The following GFRAL variants were observed in gnomAD, a reference collection of about 807,000 sequenced individuals.
GFRAL encodes the protein GDNF family receptor alpha like.
A neutral mutation model predicts 45.4 loss-of-function variants in GFRAL; 36 were observed. That is an observed-to-expected ratio of 0.79 (90% CI 0.61 to 1.05). The LOEUF is 1.05. Ranked by LOEUF, GFRAL falls within the 50% of genes least tolerant of loss-of-function variation. The pLI, the probability that GFRAL is intolerant of heterozygous loss-of-function variation, is 0.00. For synonymous variants in GFRAL, 166 were observed against 154.1 expected (o/e 1.08, Z -0.57); for missense variants, 507 against 467.5 (o/e 1.08, Z -0.78).
At chr6:55,389,666 C>G (rs1349309055) in intron 6 of GFRAL, among the ~76,000 whole-genome samples, 1 of 152,116 alleles carries the variant, frequency 6.6e-6, no homozygotes, top group Non-Finnish European at 1.5e-5. Context: ...GGTCTTCAAT[C>G]CATGATTGGA....
chr6:55,327,514 T>A lies in GFRAL; in HGVS notation c.-41T>A. ...TAAGAAAGTTGTCAGAAGAAACGCA[T>A]CTGCCTTTTTTTCCAGGTGAACTGC... is the stretch of plus-strand genomic sequence containing the variant. On this transcript the variant is annotated 5_prime_UTR_variant, in exon 1 of 9. Coordinates refer to ENST00000340465, the MANE Select transcript of GFRAL (RefSeq NM_207410.2). 2 of 1,611,126 alleles carry A rather than the reference T, an allele frequency of 1.2e-6. No homozygotes were observed. The highest frequency in any genetic ancestry group is 1.7e-6 in the Non-Finnish European group (2 of 1,178,002).
At chr6:55,349,810 C>T (rs142097141) in intron 3 of GFRAL, among the ~76,000 whole-genome samples, 50 of 150,618 alleles carry the variant, frequency 3.3e-4, no homozygotes, top group African/African-American at 1.1e-3. Context: ...TTGTTTACTC[C>T]GTGCACACAG....
chr6:55,360,405 T>A (rs1452817632), intron 6 of GFRAL, among the ~76,000 whole-genome samples: 1 of 152,048 alleles, frequency 6.6e-6, no homozygotes, highest in Admixed American at 6.6e-5. Context: ...CATCTATATC[T>A]ATATCTATAT....
chr6:55,383,186 G>A (rs2127363654), intron 6 of GFRAL, among the ~76,000 whole-genome samples: 1 of 152,090 alleles, frequency 6.6e-6, no homozygotes, highest in South Asian at 2.1e-4. Flanking sequence ...CCTGAGATAT[G>A]CATTTCTACA....
At chr6:55,393,674 G>A (rs1226535461) in intron 6 of GFRAL, among the ~76,000 whole-genome samples, 2 of 152,052 alleles carry the variant, frequency 1.3e-5, no homozygotes, top group Non-Finnish European at 1.5e-5. Context: ...AGGCAAGGGG[G>A]GAGGAAAGAA....
rs529081590 is a variant in GFRAL, at chr6:55,368,212, C to T, written c.952+9074C>T. Among the ~76,000 whole-genome samples the T allele has an allele frequency of 7.7e-4, 115 of 148,924 alleles. 2 individuals are homozygous for T. The highest frequency in any genetic ancestry group is 2.7e-3 in the African/African-American group (109 of 40,216). On this transcript the variant is annotated intron_variant, in intron 6 of 8. Coordinates refer to ENST00000340465, the MANE Select transcript of GFRAL (RefSeq NM_207410.2). Reference sequence around the variant, plus strand: ...TCATTTCATCTTCCATCGCTGATACCCTTTCTTCTAGTTGATCGCATCAGC... The same window carrying T: ...TCATTTCATCTTCCATCGCTGATACTCTTTCTTCTAGTTGATCGCATCAGC...
At chr6:55,363,143 G>A (rs915929280) in intron 6 of GFRAL, among the ~76,000 whole-genome samples, 3 of 150,044 alleles carry the variant, frequency 2.0e-5, no homozygotes, top group Admixed American at 6.7e-5. Flanking sequence ...AAAAAAAAAA[G>A]CATGTGATAC....
rs182449154 is a variant in GFRAL, at chr6:55,355,883, C to G, written c.702-3005C>G. On this transcript the variant is annotated intron_variant, in intron 5 of 8. Transcript: ENST00000340465. ...TGCTCTGTCATATATGGCATTTATT[C>G]TGTTGAGGTATATTCCTTCTATATC... is the stretch of plus-strand genomic sequence containing the variant. Among the ~76,000 whole-genome samples, 153 of 151,996 alleles carry G rather than the reference C, an allele frequency of 1.0e-3. 3 individuals carry two copies. Among genetic ancestry groups the G allele is most frequent in the Admixed American group, 9.3e-3 (142 of 15,240 alleles).
At chr6:55,343,072 A>C (rs888034025) in intron 3 of GFRAL, among the ~76,000 whole-genome samples, 1 of 152,156 alleles carries the variant, frequency 6.6e-6, no homozygotes, top group Non-Finnish European at 1.5e-5. Flanking sequence ...CCACTCAATA[A>C]TAATGGGAGA....
intron 6 of GFRAL, among the ~76,000 whole-genome samples, chr6:55,368,979 G>C (rs1768408469): frequency 6.6e-6 from 1 of 152,180 alleles, no homozygotes; most frequent in Non-Finnish European, 1.5e-5. Context: ...CCCAGTTGGA[G>C]CTTCCCGGCT....
Position 55,365,133 on chromosome 6 carries a change from T to C in GFRAL, c.952+5995T>C, listed in dbSNP as rs968342468. On this transcript the variant is annotated intron_variant, in intron 6 of 8. Transcript: ENST00000340465. The stretch of plus-strand genomic sequence containing the variant: ...ATTTCCTTGAGGAGTGGTTTGTAGT[T>C]CTCCTTGAAGAGGTCCTTCACATCC... Among the ~76,000 whole-genome samples the C allele has an allele frequency of 2.1e-3, 321 of 151,394 alleles. 1 individual carries two copies. Among genetic ancestry groups the C allele is most frequent in the African/African-American group, 7.5e-3 (309 of 40,954 alleles).
At chr6:55,385,005 T>C (rs1030476141) in intron 6 of GFRAL, among the ~76,000 whole-genome samples, 1 of 152,056 alleles carries the variant, frequency 6.6e-6, no homozygotes, top group African/African-American at 2.4e-5. Context: ...GATCCACCTG[T>C]GCAATTAGCT....
intron 6 of GFRAL, among the ~76,000 whole-genome samples, chr6:55,364,236 C>G (rs1021605533): frequency 1.3e-5 from 2 of 151,382 alleles, no homozygotes; most frequent in Non-Finnish European, 2.9e-5. Context: ...TAAATGTCTT[C>G]TTTTGAGAAG....
chr6:55,371,965 G>A (rs1033538365), intron 6 of GFRAL, among the ~76,000 whole-genome samples: 21 of 152,184 alleles, frequency 1.4e-4, no homozygotes, highest in African/African-American at 5.1e-4. Flanking sequence ...TCTCTAACAG[G>A]TTGATCCACC....
intron 3 of GFRAL, among the ~76,000 whole-genome samples, chr6:55,346,933 T>C (rs1768051536): frequency 6.7e-6 from 1 of 149,256 alleles, no homozygotes; most frequent in East Asian, 2.0e-4. Context: ...ACCTGTAATA[T>C]TGGTGGTAAT....
intron 5 of GFRAL, among the ~76,000 whole-genome samples, chr6:55,354,882 A>T (rs969199312): frequency 3.3e-5 from 5 of 151,952 alleles, no homozygotes; most frequent in Non-Finnish European, 7.4e-5. Context: ...TTTAACTGCC[A>T]AAGAGAACAA....
chr6:55,395,033 T>C (rs1768803370), intron 6 of GFRAL, among the ~76,000 whole-genome samples: 1 of 151,848 alleles, frequency 6.6e-6, no homozygotes. Context: ...CCCCATTTCA[T>C]AACTCAGTAA....
At chr6:55,364,329 T>A (rs2127358739) in intron 6 of GFRAL, among the ~76,000 whole-genome samples, 1 of 150,942 alleles carries the variant, frequency 6.6e-6, no homozygotes, top group African/African-American at 2.5e-5. Flanking sequence ...TTGTAGATTC[T>A]GGATATTAGC....
chr6:55,368,426 C>A (rs1768397586), intron 6 of GFRAL, among the ~76,000 whole-genome samples: 1 of 152,044 alleles, frequency 6.6e-6, no homozygotes, highest in Non-Finnish European at 1.5e-5. Flanking sequence ...TCGTTTGAAG[C>A]CTTCTTCTCT....
Sources: allele counts gnomAD v4.1 joint callset (sites outside exome capture counted in the v4.1 genomes callset), GRCh38; gene constraint gnomAD v4.1.1; transcripts MANE v1.5; gene names NCBI Gene and HGNC (gene_info 2026-07-23, HGNC 2026-07-21).